Variants in TMBIM6 observed in about 807,000 individuals in gnomAD.
The protein encoded by TMBIM6 is bax inhibitor 1.
Under a neutral mutation model 31.4 loss-of-function variants are expected in TMBIM6, and 13 were observed. The observed-to-expected ratio is 0.41, with a 90% CI of 0.27 to 0.66. TMBIM6 has a LOEUF of 0.66. TMBIM6 is among the 30% of genes least tolerant of loss of function. TMBIM6 has a pLI of 0.28. For synonymous variants in TMBIM6, 85 were observed against 101.7 expected, an observed-to-expected ratio of 0.84 and a Z score of 0.99; for missense variants, 275 against 289.5, an observed-to-expected ratio of 0.95 and a Z score of 0.36.
rs1945784677 is a variant in TMBIM6 at position 49,764,719 on chromosome 12, A to AAAG, written c.*1825_*1826insGAA. On this transcript the variant is annotated 3_prime_UTR_variant, in exon 10 of 10. Coordinates refer to ENST00000267115, the MANE Select transcript of TMBIM6 (RefSeq NM_003217.3). The stretch of plus-strand genomic sequence containing the variant: ...AAGAATGACAAGATATTAAAAAAAA[A>AAAG]AAAGAAAGAAAAAAAAAAAAACACC... 1 of 141,238 alleles carries AAAG rather than the reference A, an allele frequency of 7.1e-6. No individual in the cohort carries two copies. The highest frequency in any genetic ancestry group is 3.1e-5 in the African/African-American group (1 of 32,050). 8.7% of individuals were successfully genotyped at this position (141,238 alleles called of 1,614,324 possible).
chr12:49,744,078 G>A (rs1156951403), intron 1 of TMBIM6, among the ~76,000 whole-genome samples: 2 of 152,090 alleles, frequency 1.3e-5, no homozygotes, highest in African/African-American at 4.8e-5. Flanking sequence ...CTATTACATT[G>A]CCTTTTTGAA....
At chr12:49,744,442 C>G (rs1280984826) in intron 1 of TMBIM6, 1 of 152,084 alleles carries the variant, frequency 6.6e-6, no homozygotes, top group African/African-American at 2.4e-5. Context: ...TGCAGCCCTT[C>G]GTAGTTTTTA....
rs977067892 is a variant in TMBIM6, at chr12:49,763,156, C to G, written c.*260C>G. ...TCTGTAGCCTCTTCCTCTACTCAGG[C>G]AGTCGACCCGCCACGATGAGAAGTG... On this transcript the variant is annotated 3_prime_UTR_variant, in exon 10 of 10. Coordinates refer to ENST00000267115, the MANE Select transcript of TMBIM6 (RefSeq NM_003217.3). 2.8e-6 allele frequency: 1 copy of G among 355,328 alleles called. No individual in the cohort carries two copies. The highest frequency in any genetic ancestry group is 4.1e-5 in the East Asian group (1 of 24,358). The allele number at this position is 355,328 out of a possible 1,614,324, so 22.0% of individuals were successfully genotyped here.
intron 1 of TMBIM6, among the ~76,000 whole-genome samples, chr12:49,751,757 A>AAT (rs1209215084): frequency 1.5e-5 from 2 of 131,642 alleles, no homozygotes; most frequent in Non-Finnish European, 3.1e-5. Flanking sequence ...CTAGTGAGAT[A>AAT]ATTTTTTTTT....
chr12:49,758,486 T>A lies in TMBIM6; in HGVS notation c.433+6T>A, dbSNP rs748274001. On this transcript the variant is annotated splice_donor_region_variant and intron_variant, in intron 6 of 9. Coordinates refer to ENST00000267115, the MANE Select transcript of TMBIM6 (RefSeq NM_003217.3). ...TAGCTACCTCTTTCTGGGAGGTAAG[T>A]GTGAACTGGGAAACAGGGAATGGGG... The A allele has an allele frequency of 8.7e-6, 14 of 1,613,866 alleles. No homozygotes were observed. In the Admixed American group the frequency reaches 2.3e-4, roughly 27 times the overall value.
chr12:49,757,149 G>C (rs1299824484), intron 4 of TMBIM6, among the ~76,000 whole-genome samples: 1 of 152,188 alleles, frequency 6.6e-6, no homozygotes, highest in Non-Finnish European at 1.5e-5. Flanking sequence ...TTACAGACGT[G>C]AGCCACTGTG....
chr12:49,761,830 G>T (rs935493964), intron 9 of TMBIM6, 51 bp downstream of exon 9: 2 of 1,579,600 alleles, frequency 1.3e-6, no homozygotes, highest in Non-Finnish European at 1.7e-6. Context: ...CCTGAGCTTG[G>T]CATGTGTGTA....
At chr12:49,755,827 C>G (rs1038961245) in intron 4 of TMBIM6, 72 bp downstream of exon 4, 6 of 1,375,998 alleles carry the variant, frequency 4.4e-6, no homozygotes, top group Non-Finnish European at 5.8e-6. Context: ...GTTCCCCCCC[C>G]TTTTTTTTTC....
rs1945643119 is a variant in TMBIM6, at chr12:49,758,244, G to T, written c.304G>T (p.Ala102Ser). 2 of 1,614,114 alleles carry T rather than the reference G, an allele frequency of 1.2e-6. No homozygotes were observed. The highest frequency in any genetic ancestry group is 8.5e-7 in the Non-Finnish European group (1 of 1,180,038). The change falls in exon 5 of 10, where the codon GCC becomes TCC. Residue 102 changes from alanine (A) to serine (S), a missense_variant. By Grantham distance (99) the Ala-to-Ser change is moderately conservative. Transcript: ENST00000267115. ...TTTTCTAGGAGTTGGCCTGGGCCCTGCCCTGGAGTTTTGTATTGCTGTCAA... is the reference window on the plus strand; with the variant it reads ...TTTTCTAGGAGTTGGCCTGGGCCCTTCCCTGGAGTTTTGTATTGCTGTCAA... ...AFLTGVGLGP[A>S]LEFCIAVNPS...
At position 49,760,886 on chromosome 12, in the gene TMBIM6, C is replaced by G. The variant is rs560126989; in HGVS notation, c.615-818C>G. Among the ~76,000 whole-genome samples, 9 of 151,992 alleles carry G rather than the reference C, an allele frequency of 5.9e-5. No individual in the cohort carries two copies. In the East Asian group the frequency reaches 1.7e-3, roughly 29 times the overall value. On this transcript the variant is annotated intron_variant, in intron 8 of 9. Coordinates refer to ENST00000267115, the MANE Select transcript of TMBIM6 (RefSeq NM_003217.3). ...CGGAGTTTCGCTCTTGTTGCCCAGGCTGGAGTGCAACGGTGTGATCTTGGC... is the reference window on the plus strand; with the variant it reads ...CGGAGTTTCGCTCTTGTTGCCCAGGGTGGAGTGCAACGGTGTGATCTTGGC...
chr12:49,755,613 T>G, intron 3 of TMBIM6, 22 bp from the exon 4 acceptor site: 1 of 1,607,180 alleles, frequency 6.2e-7, no homozygotes, highest in Non-Finnish European at 8.5e-7. Flanking sequence ...GTTTAATGAT[T>G]GATTGATTCT....
At chr12:49,743,724 A>G (rs1424743961) in intron 1 of TMBIM6, among the ~76,000 whole-genome samples, 5 of 152,174 alleles carry the variant, frequency 3.3e-5, no homozygotes, top group Non-Finnish European at 5.9e-5. Flanking sequence ...GTTTTCACCT[A>G]TGGCTGAAAC....
intron 1 of TMBIM6, among the ~76,000 whole-genome samples, chr12:49,747,268 C>CT (rs746255742): frequency 3.3e-5 from 5 of 152,140 alleles, no homozygotes; most frequent in Admixed American, 6.5e-5. Context: ...AATTGACAAA[C>CT]TAATTTTTTT....
At chr12:49,743,009 CAG>C (rs1945325839) in intron 1 of TMBIM6, among the ~76,000 whole-genome samples, 1 of 122,914 alleles carries the variant, frequency 8.1e-6, no homozygotes, top group South Asian at 2.5e-4. Context: ...TTTTTTGAGG[CAG>C]AGTCTCACTG....
At position 49,763,201 on chromosome 12, in the gene TMBIM6, AC is replaced by A. The variant is rs1389017356; in HGVS notation, c.*306del. On this transcript the variant is annotated 3_prime_UTR_variant, in exon 10 of 10. Transcript: ENST00000267115. ...GAAGTGGGACCAGCAGAGGGCGCCA[AC>A]TTCAGGAGTCCGCTTTCCCACCAGG... 2 of 286,468 alleles carry A rather than the reference AC, an allele frequency of 7.0e-6. No individual in the cohort carries two copies. Among genetic ancestry groups the A allele is most frequent in the Non-Finnish European group, 1.3e-5 (2 of 148,784 alleles). 17.7% of individuals were successfully genotyped at this position (286,468 alleles called of 1,614,324 possible).
intron 1 of TMBIM6, among the ~76,000 whole-genome samples, chr12:49,745,476 G>A (rs1381872925): frequency 6.6e-6 from 1 of 152,172 alleles, no homozygotes; most frequent in African/African-American, 2.4e-5. Flanking sequence ...TGTAATCCCA[G>A]CACTTTGGGA....
intron 1 of TMBIM6, among the ~76,000 whole-genome samples, chr12:49,742,791 C>T (rs1176309711): frequency 6.6e-6 from 1 of 152,182 alleles, no homozygotes; most frequent in African/African-American, 2.4e-5. Flanking sequence ...TTGGTGTTTT[C>T]TTATTCTTTG....
chr12:49,744,266 C>T (rs963015579), intron 1 of TMBIM6: 3 of 152,058 alleles, frequency 2.0e-5, no homozygotes, highest in Non-Finnish European at 2.9e-5. Context: ...CATTTTATTT[C>T]GTAAACTGCC....
At chr12:49,761,967 AT>A (rs1321973070) in intron 9 of TMBIM6, 188 bp downstream of exon 9, 3 of 577,136 alleles carry the variant, frequency 5.2e-6, no homozygotes, top group South Asian at 2.6e-5. Context: ...TGAAAAAAAA[AT>A]TTTTTTAACT....
Sources: allele counts gnomAD v4.1 joint callset (sites outside exome capture counted in the v4.1 genomes callset), GRCh38; gene constraint gnomAD v4.1.1; transcripts MANE v1.5; gene names NCBI Gene and HGNC (gene_info 2026-07-23, HGNC 2026-07-21).